ADGRB3: variants seen among roughly 807,000 people sequenced by gnomAD.
The protein encoded by ADGRB3 is adhesion G protein-coupled receptor B3, also known as brain-specific angiogenesis inhibitor 3.
ADGRB3 carries 37 observed loss-of-function variants against 193.4 expected under a neutral mutation model. The observed-to-expected ratio is 0.19, with a 90% confidence interval of 0.15 to 0.25. The LOEUF (loss-of-function observed/expected upper bound fraction) is 0.25. ADGRB3 is among the 10% of genes least tolerant of loss of function. The probability of loss-of-function intolerance (pLI) is 1.00; values close to 1 mark genes in which losing one functional copy is unlikely to be tolerated. For missense variants in ADGRB3, 1,637 were observed against 1,852.9 expected, an observed-to-expected ratio of 0.88 and a Z score of 2.14; for synonymous variants, 690 against 644.2, an observed-to-expected ratio of 1.07 and a Z score of -1.08.
chr6:68,937,578 G>A (rs1359783406), intron 5 of ADGRB3, among the ~76,000 whole-genome samples: 1 of 152,174 alleles, frequency 6.6e-6, no homozygotes, highest in Non-Finnish European at 1.5e-5. Flanking sequence ...AAAAGGGGAT[G>A]GGTGTAAAGA....
chr6:68,763,344 C>T (rs1309956177), intron 3 of ADGRB3, among the ~76,000 whole-genome samples: 1 of 152,170 alleles, frequency 6.6e-6, no homozygotes, highest in Non-Finnish European at 1.5e-5. Flanking sequence ...CCCGCCTTGG[C>T]CTCCCAAAGT....
At chr6:68,993,643 C>A in intron 10 of ADGRB3, 125 bp from the exon 11 acceptor site, 2 of 969,494 alleles carry the variant, frequency 2.1e-6, no homozygotes, top group Non-Finnish European at 3.1e-6. Flanking sequence ...TTTTCAAATC[C>A]TCCCAAGCAT....
At chr6:68,868,938 TGTGA>T (rs1354438010) in intron 3 of ADGRB3, among the ~76,000 whole-genome samples, 8 of 150,676 alleles carry the variant, frequency 5.3e-5, no homozygotes, top group Middle Eastern at 3.4e-3. Flanking sequence ...TGTGTGTGTG[TGTGA>T]GTGTGTGTGT....
intron 13 of ADGRB3, among the ~76,000 whole-genome samples, chr6:69,044,467 T>C (rs1440778664): frequency 1.3e-5 from 2 of 152,204 alleles, no homozygotes; most frequent in Non-Finnish European, 2.9e-5. Flanking sequence ...TGCTTTGATG[T>C]ATCAAAGAAG....
chr6:68,701,520 A>G (rs894932497), intron 3 of ADGRB3, among the ~76,000 whole-genome samples: 13 of 152,336 alleles, frequency 8.5e-5, no homozygotes, highest in African/African-American at 2.6e-4. Flanking sequence ...TGTGATGTAT[A>G]TATCTTTACA....
At position 69,184,172 on chromosome 6, in the gene ADGRB3, AGTCATAATT is replaced by A. The variant is rs1341436736; in HGVS notation, c.2481-49116_2481-49108del. Among the ~76,000 whole-genome samples the A allele has an allele frequency of 1.1e-4, 17 of 152,232 alleles. No homozygotes were observed. The East Asian group carries it at 3.3e-3, about 29-fold the overall frequency. On this transcript the variant is annotated intron_variant, in intron 17 of 31. Coordinates refer to ENST00000370598, the MANE Select transcript of ADGRB3 (RefSeq NM_001704.3). Reference sequence around the variant, plus strand: ...CCTTCATCTCGTCATAGCTGTAGCAAGTCATAATTGAAATCACTGACTCTTTATAGGCCC... The same window carrying A: ...CCTTCATCTCGTCATAGCTGTAGCAAGAAATCACTGACTCTTTATAGGCCC...
intron 17 of ADGRB3, among the ~76,000 whole-genome samples, chr6:69,076,781 G>T (rs1191314634): frequency 6.6e-6 from 1 of 151,864 alleles, no homozygotes; most frequent in Non-Finnish European, 1.5e-5. Flanking sequence ...TGCATGAGGG[G>T]AGATAAATAT....
chr6:68,648,211 C>T (rs1378511796), intron 3 of ADGRB3, among the ~76,000 whole-genome samples: 1 of 152,106 alleles, frequency 6.6e-6, no homozygotes, highest in Non-Finnish European at 1.5e-5. Flanking sequence ...AGCTGATTAA[C>T]TCAAAATTAA....
intron 3 of ADGRB3, among the ~76,000 whole-genome samples, chr6:68,849,238 C>G (rs563534475): frequency 6.6e-6 from 1 of 151,882 alleles, no homozygotes; most frequent in South Asian, 2.1e-4. Context: ...TGTATTAATA[C>G]GTTTAAATAT....
chr6:69,339,265 A>G, intron 25 of ADGRB3, 68 bp from the exon 26 acceptor site: 32 of 1,538,986 alleles, frequency 2.1e-5, no homozygotes, highest in Non-Finnish European at 2.7e-5. Flanking sequence ...GCTTTGTTGA[A>G]TGGGGGTTTG....
intron 3 of ADGRB3, among the ~76,000 whole-genome samples, chr6:68,749,265 G>A (rs561069986): frequency 4.7e-4 from 71 of 152,166 alleles, no homozygotes; most frequent in Non-Finnish European, 8.8e-4. Flanking sequence ...CTTTTCTGTC[G>A]CATAGTCAGG....
intron 3 of ADGRB3, among the ~76,000 whole-genome samples, chr6:68,807,729 TTAAG>T (rs1284209884): frequency 1.3e-5 from 2 of 152,274 alleles, no homozygotes; most frequent in East Asian, 1.9e-4. Flanking sequence ...TATATTATAC[TTAAG>T]TGAGAACTAA....
At chr6:69,140,687 G>A (rs2150337587) in intron 17 of ADGRB3, among the ~76,000 whole-genome samples, 1 of 152,252 alleles carries the variant, frequency 6.6e-6, no homozygotes. Flanking sequence ...ATAAATGTTT[G>A]AGGTGATGGA....
At chr6:69,045,748 A>C (rs1398418584) in intron 13 of ADGRB3, among the ~76,000 whole-genome samples, 1 of 152,110 alleles carries the variant, frequency 6.6e-6, no homozygotes, top group Non-Finnish European at 1.5e-5. Flanking sequence ...ATGTGTACAT[A>C]CTTATAATAG....
intron 26 of ADGRB3, among the ~76,000 whole-genome samples, chr6:69,344,723 A>G (rs1769047982): frequency 1.3e-5 from 2 of 152,140 alleles, no homozygotes; most frequent in Admixed American, 6.6e-5. Flanking sequence ...GCCTTCCTTT[A>G]CTGCAGGATG....
intron 17 of ADGRB3, among the ~76,000 whole-genome samples, chr6:69,205,590 G>A (rs1765521209): frequency 6.6e-6 from 1 of 152,046 alleles, no homozygotes; most frequent in Non-Finnish European, 1.5e-5. Flanking sequence ...CAAGAAAATG[G>A]CACTGGCCTC....
intron 17 of ADGRB3, among the ~76,000 whole-genome samples, chr6:69,170,221 T>G (rs1281478596): frequency 6.6e-6 from 1 of 152,156 alleles, no homozygotes; most frequent in African/African-American, 2.4e-5. Flanking sequence ...TCTGAGACTG[T>G]TTTTCCTTGA....
At chr6:69,378,393 G>A (rs1304811878) in intron 30 of ADGRB3, among the ~76,000 whole-genome samples, 2 of 152,030 alleles carry the variant, frequency 1.3e-5, no homozygotes, top group African/African-American at 4.8e-5. Context: ...GAGAATTGAT[G>A]TGGAATTCAG....
In ADGRB3 at chr6:69,031,214, G is replaced by A. The variant is rs546603678; in HGVS notation, c.2107+12715G>A. 2.0e-5 allele frequency among the ~76,000 whole-genome samples: 3 copies of A among 151,088 alleles called. No homozygotes were observed. The South Asian group carries it at 6.3e-4, about 31-fold the overall frequency. On this transcript the variant is annotated intron_variant, in intron 13 of 31. Transcript: ENST00000370598. Reference sequence around the variant, plus strand: ...CCAGCACTTTGGGAGGCCGAGGCGGGCGGATCATGAGGTCAGGAGATCGAG... The same window carrying A: ...CCAGCACTTTGGGAGGCCGAGGCGGACGGATCATGAGGTCAGGAGATCGAG...
Sources: allele counts gnomAD v4.1 joint callset (sites outside exome capture counted in the v4.1 genomes callset), GRCh38; gene constraint gnomAD v4.1.1; transcripts MANE v1.5; gene names NCBI Gene and HGNC (gene_info 2026-07-23, HGNC 2026-07-21).